ERICH3: variants seen among roughly 807,000 people sequenced by gnomAD.
The protein encoded by ERICH3 is glutamate rich 3.
Under a neutral mutation model 131.1 loss-of-function variants are expected in ERICH3, and 126 were observed. The ratio of observed to expected loss-of-function variants is 0.96; its 90% CI spans 0.83 to 1.11. The LOEUF (loss-of-function observed/expected upper bound fraction) is 1.11. ERICH3 is among the 50% of genes most tolerant of loss of function. ERICH3 has a pLI of 0.00. For synonymous variants in ERICH3, 695 were observed against 644.6 expected (o/e 1.08, Z -1.18); for missense variants, 2,050 against 1,810.7 (o/e 1.13, Z -2.40).
intron 12 of ERICH3, chr1:74,589,380 A>G: frequency 1.8e-6 from 1 of 548,728 alleles, no homozygotes; most frequent in South Asian, 3.0e-5. Flanking sequence ...GAATTCCCAT[A>G]GGAGGGAATT....
At chr1:74,619,605 G>C (rs1367040110) in intron 8 of ERICH3, among the ~76,000 whole-genome samples, 1 of 152,234 alleles carries the variant, frequency 6.6e-6, no homozygotes, top group Admixed American at 6.5e-5. Context: ...ATTTGCTCTC[G>C]ACTCTGGTCA....
intron 12 of ERICH3, among the ~76,000 whole-genome samples, chr1:74,577,819 T>G (rs1220046788): frequency 1.3e-5 from 2 of 152,208 alleles, no homozygotes; most frequent in African/African-American, 2.4e-5. Context: ...TTTTCCCTTC[T>G]AGGAACGTGT....
intron 1 of ERICH3, among the ~76,000 whole-genome samples, chr1:74,672,455 T>C (rs566838726): frequency 6.6e-6 from 1 of 152,232 alleles, no homozygotes; most frequent in Non-Finnish European, 1.5e-5. Context: ...TTTCAAACAT[T>C]TTCATTTACG....
chr1:74,583,942 AG>A (rs1262866101), intron 12 of ERICH3, among the ~76,000 whole-genome samples: 2 of 152,334 alleles, frequency 1.3e-5, no homozygotes, highest in East Asian at 3.9e-4. Context: ...ATATCAGAAG[AG>A]GGTTTTGTCA....
chr1:74,629,998 G>GCA (rs2100621649), intron 7 of ERICH3, among the ~76,000 whole-genome samples: 1 of 152,278 alleles, frequency 6.6e-6, no homozygotes, highest in South Asian at 2.1e-4. Context: ...AGTGCATGGT[G>GCA]CTTGCTTGGT....
chr1:74,651,878 G>C (rs1460124540), intron 1 of ERICH3, among the ~76,000 whole-genome samples: 2 of 152,034 alleles, frequency 1.3e-5, no homozygotes, highest in Non-Finnish European at 2.9e-5. Context: ...AATAACAATT[G>C]CTTAGCCAGC....
chr1:74,626,986 T>C (rs1426046895), intron 7 of ERICH3, among the ~76,000 whole-genome samples: 2 of 152,138 alleles, frequency 1.3e-5, no homozygotes, highest in Admixed American at 1.3e-4. Context: ...TTAAGAGCCT[T>C]TAAAAGATGC....
chr1:74,581,512 A>C (rs1647182514), intron 12 of ERICH3, among the ~76,000 whole-genome samples: 2 of 152,212 alleles, frequency 1.3e-5, no homozygotes, highest in South Asian at 4.2e-4. Flanking sequence ...TAGATCCAAG[A>C]ATTATTTAGA....
chr1:74,673,924 G>A (rs1391629623), upstream of ERICH3, among the ~76,000 whole-genome samples: 1 of 152,094 alleles, frequency 6.6e-6, no homozygotes, highest in Non-Finnish European at 1.5e-5. Context: ...TCTGTAACAT[G>A]AAAACACAAA....
At chr1:74,669,540 A>T (rs992065361) in intron 1 of ERICH3, among the ~76,000 whole-genome samples, 1 of 152,158 alleles carries the variant, frequency 6.6e-6, no homozygotes, top group Non-Finnish European at 1.5e-5. Context: ...AAATAGCAAC[A>T]TGAGTGAGAT....
intron 14 of ERICH3, among the ~76,000 whole-genome samples, 191 bp downstream of exon 14, chr1:74,570,908 T>A (rs1416572320): frequency 6.6e-6 from 1 of 152,138 alleles, no homozygotes; most frequent in African/African-American, 2.4e-5. Context: ...TGTGTCCCTG[T>A]GCATGCTTTG....
At chr1:74,625,549 G>A (rs1309656828) in intron 7 of ERICH3, 1 of 151,834 alleles carries the variant, frequency 6.6e-6, no homozygotes, top group Non-Finnish European at 1.5e-5. Context: ...TGTTTCTATT[G>A]TGCTTTATTT....
chr1:74,641,476 A>G lies in ERICH3; in HGVS notation c.316-17T>C, dbSNP rs368577305. On this transcript the variant is annotated splice_polypyrimidine_tract_variant and intron_variant, in intron 4 of 14. Transcript: ENST00000326665. The stretch of plus-strand genomic sequence containing the variant: ...GTGCTCTCCCTAGAATAAGAAAGCA[A>G]TTTAGCAAATAGATGCATAGTTAGT... 28 of 1,608,188 alleles carry G rather than the reference A, an allele frequency of 1.7e-5. No homozygotes were observed. The African/African-American group carries it at 3.2e-4, about 18-fold the overall frequency.
chr1:74,573,550 C>G (rs1646999333), intron 13 of ERICH3, 59 bp from the exon 14 acceptor site: 1 of 1,451,540 alleles, frequency 6.9e-7, no homozygotes, highest in South Asian at 1.5e-5. Context: ...AGGGAGGGGA[C>G]ACTATAATCT....
intron 8 of ERICH3, 53 bp from the exon 9 acceptor site, chr1:74,612,862 T>A: frequency 7.1e-7 from 1 of 1,414,362 alleles, no homozygotes; most frequent in Non-Finnish European, 9.7e-7. Flanking sequence ...CGGACTAACA[T>A]CTGTTAAATC....
At chr1:74,590,107 G>A (rs1453195548) in intron 11 of ERICH3, 27 bp from the exon 12 acceptor site, 3 of 1,510,106 alleles carry the variant, frequency 2.0e-6, no homozygotes, top group East Asian at 2.4e-5. Flanking sequence ...TGATGACATT[G>A]TTGTTGTTCT....
intron 3 of ERICH3, among the ~76,000 whole-genome samples, chr1:74,644,202 CTCT>C (rs1403806050): frequency 6.6e-6 from 1 of 151,898 alleles, no homozygotes; most frequent in African/African-American, 2.4e-5. Context: ...ATCATCAATC[CTCT>C]TCTTAACACT....
chr1:74,568,695 G>A lies in ERICH3; in HGVS notation c.*1763C>T, dbSNP rs1438115997. On this transcript the variant is annotated 3_prime_UTR_variant, in exon 15 of 15. Coordinates refer to ENST00000326665, the MANE Select transcript of ERICH3 (RefSeq NM_001002912.5). ...CTTTTATATTGAGTGCCATTTACTA[G>A]AGAAAGAAAGACAGATAAATCAGAA... 1 of 152,112 alleles carries A rather than the reference G, an allele frequency of 6.6e-6. No individual in the cohort carries two copies. The highest frequency in any genetic ancestry group is 2.4e-5 in the African/African-American group (1 of 41,404). The allele number at this position is 152,112 out of a possible 1,614,324, so 9.4% of individuals were successfully genotyped here. A position where few individuals can be genotyped will look rare whatever the true frequency, so the allele number is the denominator to read the frequency against.
At chr1:74,634,844 G>T in intron 6 of ERICH3, 2 of 584,188 alleles carry the variant, frequency 3.4e-6, no homozygotes, top group Non-Finnish European at 6.1e-6. Context: ...AAGATGAGAT[G>T]GGTGTATCAG....
Sources: allele counts gnomAD v4.1 joint callset (sites outside exome capture counted in the v4.1 genomes callset), GRCh38; gene constraint gnomAD v4.1.1; transcripts MANE v1.5; gene names NCBI Gene and HGNC (gene_info 2026-07-23, HGNC 2026-07-21).